The following SARNP variants were observed in gnomAD, a reference collection of about 807,000 sequenced individuals.
SARNP encodes the protein SAP domain containing ribonucleoprotein, also known as SAP domain-containing ribonucleoprotein.
In SARNP, 5 loss-of-function variants were observed where a neutral mutation model predicts 38.1. The observed-to-expected ratio is 0.13, with a 90% confidence interval of 0.07 to 0.28. SARNP has a LOEUF of 0.28. Ranked by LOEUF, SARNP falls within the 10% of genes least tolerant of loss-of-function variation. The pLI, the probability that SARNP is intolerant of heterozygous loss-of-function variation, is 1.00. For synonymous variants in SARNP, 84 were observed against 80.6 expected (o/e 1.04, Z -0.23); for missense variants, 180 against 243.9 (o/e 0.74, Z 1.75).
rs566692338 is a variant in SARNP at position 55,766,578 on chromosome 12, C to T, written c.502-5938G>A. Among the ~76,000 whole-genome samples the T allele has an allele frequency of 1.0e-3, 127 of 124,962 alleles. 1 individual carries two copies. Among genetic ancestry groups the T allele is most frequent in the Middle Eastern group, 8.1e-3 (1 of 124 alleles). The allele number at this position is 124,962 out of a possible 152,430, so 82.0% of individuals were successfully genotyped here. On this transcript the variant is annotated intron_variant, in intron 9 of 10. Transcript: ENST00000336133. The stretch of plus-strand genomic sequence containing the variant: ...AGAGGAGAGAGTACCTATATAAGAA[C>T]AGAAAGCATAGTCTATATATTTTGT...
At chr12:55,807,317 C>T (rs1485186812) in intron 1 of SARNP, among the ~76,000 whole-genome samples, 2 of 152,134 alleles carry the variant, frequency 1.3e-5, no homozygotes. Context: ...TGGACCAGCA[C>T]CCCAAGGACT....
At chr12:55,771,596 G>A (rs1012076526) in intron 9 of SARNP, among the ~76,000 whole-genome samples, 1 of 152,124 alleles carries the variant, frequency 6.6e-6, no homozygotes, top group Non-Finnish European at 1.5e-5. Context: ...GGGAGCTCAG[G>A]TACTGCTATT....
At position 55,771,078 on chromosome 12, in the gene SARNP, C is replaced by G. The variant is rs151219057; in HGVS notation, c.502-10438G>C. On this transcript the variant is annotated intron_variant, in intron 9 of 10. Coordinates refer to ENST00000336133, the MANE Select transcript of SARNP (RefSeq NM_033082.4). ...TCAGCCTCCCAAGTAGCTGGGATTA[C>G]AGGCGCATGCCACCACGCCTGGCTG... 4.3e-4 allele frequency among the ~76,000 whole-genome samples: 65 copies of G among 152,176 alleles called. No homozygotes were observed. In the East Asian group the frequency reaches 0.012, roughly 29 times the overall value.
At chr12:55,769,444 ACTCATAAC>A (rs1878942123) in intron 9 of SARNP, among the ~76,000 whole-genome samples, 1 of 152,206 alleles carries the variant, frequency 6.6e-6, no homozygotes, top group African/African-American at 2.4e-5. Context: ...CATTATGAGG[ACTCATAAC>A]GGAAATTTGC....
chr12:55,800,668 A>G (rs766430278), intron 3 of SARNP, 39 bp from the exon 4 acceptor site: 5 of 1,496,280 alleles, frequency 3.3e-6, no homozygotes, highest in Non-Finnish European at 4.6e-6. Flanking sequence ...CATAAATCTA[A>G]AGAATAAATA....
chr12:55,774,320 CCTT>C (rs1413439612), intron 9 of SARNP, among the ~76,000 whole-genome samples: 1 of 151,868 alleles, frequency 6.6e-6, no homozygotes, highest in Non-Finnish European at 1.5e-5. Flanking sequence ...TCTAACTGCT[CCTT>C]CTTTTCAACC....
At chr12:55,796,209 C>T (rs1457836341) in intron 4 of SARNP, 133 bp from the exon 5 acceptor site, 5 of 625,584 alleles carry the variant, frequency 8.0e-6, no homozygotes, top group African/African-American at 7.3e-5. Flanking sequence ...GCCAAAGAAA[C>T]ATGAAGTCCA....
At chr12:55,814,586 TG>T (rs938423748) in intron 1 of SARNP, among the ~76,000 whole-genome samples, 8 of 152,206 alleles carry the variant, frequency 5.3e-5, no homozygotes, top group Admixed American at 4.6e-4. Context: ...TGTGTTAGTA[TG>T]GGCCAGGAGT....
At chr12:55,767,513 C>A (rs1231032154) in intron 9 of SARNP, among the ~76,000 whole-genome samples, 1 of 151,940 alleles carries the variant, frequency 6.6e-6, no homozygotes, top group East Asian at 1.9e-4. Flanking sequence ...CACGCCGCTG[C>A]ACTTCAGTCT....
At chr12:55,776,635 T>A (rs1184290288) in intron 9 of SARNP, among the ~76,000 whole-genome samples, 1 of 152,136 alleles carries the variant, frequency 6.6e-6, no homozygotes, top group Non-Finnish European at 1.5e-5. Flanking sequence ...CTGAGTATAC[T>A]TGGATTCAGA....
intron 1 of SARNP, among the ~76,000 whole-genome samples, chr12:55,810,343 G>A (rs1362037668): frequency 2.0e-5 from 3 of 152,092 alleles, no homozygotes; most frequent in African/African-American, 7.2e-5. Context: ...AAACTCCTGG[G>A]CTCAAGTGAT....
At chr12:55,781,227 C>T (rs538456095) in intron 9 of SARNP, among the ~76,000 whole-genome samples, 1 of 152,310 alleles carries the variant, frequency 6.6e-6, no homozygotes, top group African/African-American at 2.4e-5. Flanking sequence ...GACTTTGTCT[C>T]AGCTTCCTCT....
intron 9 of SARNP, among the ~76,000 whole-genome samples, chr12:55,778,947 G>C (rs930747640): frequency 1.3e-5 from 2 of 152,140 alleles, no homozygotes; most frequent in African/African-American, 4.8e-5. Context: ...CTCCAGCCTG[G>C]GCGACAGGGC....
At position 55,789,236 on chromosome 12, in the gene SARNP, T is replaced by A. The variant is rs1168005851; in HGVS notation, c.433-93A>T. On this transcript the variant is annotated intron_variant, in intron 8 of 10. Transcript: ENST00000336133. ...TATAGTATGAAGCTAAGAGTTCAAATAAGCCTATAACATCAAAGACACCCT... is the reference window on the plus strand; with the variant it reads ...TATAGTATGAAGCTAAGAGTTCAAAAAAGCCTATAACATCAAAGACACCCT... 3.5e-6 allele frequency: 3 copies of A among 847,486 alleles called. No individual in the cohort carries two copies. The East Asian group carries it at 7.6e-5, about 21-fold the overall frequency. 52.5% of individuals were successfully genotyped at this position (847,486 alleles called of 1,614,324 possible). A position where few individuals can be genotyped will look rare whatever the true frequency, so the allele number is the denominator to read the frequency against.
At chr12:55,763,836 AT>A (rs1269448907) in intron 9 of SARNP, among the ~76,000 whole-genome samples, 1 of 152,160 alleles carries the variant, frequency 6.6e-6, no homozygotes, top group Admixed American at 6.5e-5. Context: ...TCTTGGAGAG[AT>A]TAAGTGACTC....
intron 8 of SARNP, among the ~76,000 whole-genome samples, chr12:55,789,446 C>A (rs567758429): frequency 1.3e-5 from 2 of 152,172 alleles, no homozygotes; most frequent in Non-Finnish European, 2.9e-5. Flanking sequence ...TAAATCATCA[C>A]CTCCAAACAA....
At chr12:55,789,264 G>A in intron 8 of SARNP, 121 bp from the exon 9 acceptor site, 4 of 638,066 alleles carry the variant, frequency 6.3e-6, no homozygotes, top group South Asian at 6.2e-5. Context: ...GACACCCTAT[G>A]AGCAAAATAA....
At chr12:55,785,156 G>C (rs987537240) in intron 9 of SARNP, among the ~76,000 whole-genome samples, 1 of 152,248 alleles carries the variant, frequency 6.6e-6, no homozygotes, top group African/African-American at 2.4e-5. Flanking sequence ...TTTTGCCACA[G>C]ATAATTTCAG....
At chr12:55,765,467 C>A (rs1878801306) in intron 9 of SARNP, among the ~76,000 whole-genome samples, 1 of 151,968 alleles carries the variant, frequency 6.6e-6, no homozygotes, top group Admixed American at 6.6e-5. Flanking sequence ...ACCTTAGCCT[C>A]CTCAGTAGCT....
Sources: allele counts gnomAD v4.1 joint callset (sites outside exome capture counted in the v4.1 genomes callset), GRCh38; gene constraint gnomAD v4.1.1; transcripts MANE v1.5; gene names NCBI Gene and HGNC (gene_info 2026-07-23, HGNC 2026-07-21).